The following RTN4 variants were observed in gnomAD, a reference collection of about 807,000 sequenced individuals.
RTN4 encodes the protein reticulon-4.
Under a neutral mutation model 90.4 loss-of-function variants are expected in RTN4, and 32 were observed. The ratio of observed to expected loss-of-function variants is 0.35; its 90% confidence interval spans 0.27 to 0.48. RTN4 has a LOEUF of 0.48. Ranked by LOEUF, RTN4 falls within the 20% of genes least tolerant of loss-of-function variation. RTN4 has a pLI of 0.99. For missense variants in RTN4, 1,706 were observed against 1,430.2 expected (o/e 1.19, Z -3.11); for synonymous variants, 629 against 552.5 (o/e 1.14, Z -1.94).
intron 3 of RTN4, among the ~76,000 whole-genome samples, chr2:55,009,857 C>T (rs746587939): frequency 4.0e-5 from 6 of 151,604 alleles, no homozygotes; most frequent in Non-Finnish European, 7.4e-5. Flanking sequence ...AGAACCTAAA[C>T]GGCAGGACTG....
At chr2:55,039,341 G>A (rs778476354) in intron 1 of RTN4, among the ~76,000 whole-genome samples, 2 of 152,178 alleles carry the variant, frequency 1.3e-5, no homozygotes, top group African/African-American at 4.8e-5. Context: ...TGCAGAGAGA[G>A]AGAGACCACA....
At chr2:55,083,310 A>AC (rs1389753101) in intron 1 of RTN4, among the ~76,000 whole-genome samples, 2 of 152,244 alleles carry the variant, frequency 1.3e-5, no homozygotes, top group African/African-American at 4.8e-5. Flanking sequence ...AGCCTGGCCA[A>AC]CGTGGCAAAA....
At chr2:55,060,446 A>G (rs192419595) in intron 2 of RTN4, among the ~76,000 whole-genome samples, 5 of 152,304 alleles carry the variant, frequency 3.3e-5, no homozygotes, top group Non-Finnish European at 5.9e-5. Context: ...TGGATTCCCA[A>G]TGTCAGTGGA....
In RTN4 at chr2:55,011,870, G is replaced by A. The variant is rs554725942; in HGVS notation, c.3013+13216C>T. On this transcript the variant is annotated intron_variant, in intron 3 of 8. Coordinates refer to ENST00000337526, the MANE Select transcript of RTN4 (RefSeq NM_020532.5). ...AAAGAGCCCAGTATTCTCAGCTCGA[G>A]TTAATATTTAACTTTAAACTTTATT... Among the ~76,000 whole-genome samples the A allele has an allele frequency of 1.2e-4, 19 of 152,272 alleles. No homozygotes were observed. The South Asian group carries it at 3.3e-3, about 27-fold the overall frequency.
intron 1 of RTN4, among the ~76,000 whole-genome samples, chr2:55,088,504 C>A (rs1385365415): frequency 6.6e-6 from 1 of 152,196 alleles, no homozygotes; most frequent in African/African-American, 2.4e-5. Flanking sequence ...AGGAGGATTA[C>A]ATACTGAATA....
At chr2:55,137,721 G>C in the RTN4 span, among the ~76,000 whole-genome samples, 2 of 151,988 alleles carry the variant, frequency 1.3e-5, no homozygotes, top group African/African-American at 2.4e-5. Context: ...CCCCCATGGC[G>C]CTCTCTCCAC....
intron 7 of RTN4, 52 bp from the exon 8 acceptor site, chr2:54,973,673 C>A: frequency 6.6e-7 from 1 of 1,519,862 alleles, no homozygotes; most frequent in African/African-American, 1.4e-5. Flanking sequence ...ATCTTATTAA[C>A]CACTACTATG....
rs577427858 is a variant in RTN4, at chr2:55,045,474, T to G, written c.556+4271A>C. The stretch of plus-strand genomic sequence containing the variant: ...CTCATCTTTCTCAGAACTACTGTAA[T>G]AGCTTTCTAAATAATTCATCTGCTT... On this transcript the variant is annotated intron_variant, in intron 1 of 8. Transcript: ENST00000337526. Among the ~76,000 whole-genome samples the G allele has an allele frequency of 1.9e-4, 29 of 152,362 alleles. No homozygotes were observed. In the East Asian group the frequency reaches 5.2e-3, roughly 27 times the overall value.
chr2:55,036,047 C>A (rs1271065973), intron 1 of RTN4, among the ~76,000 whole-genome samples: 2 of 152,112 alleles, frequency 1.3e-5, no homozygotes, highest in African/African-American at 4.8e-5. Context: ...ATAGTACCAA[C>A]CTTACACAAA....
intron 6 of RTN4, 21 bp downstream of exon 6, chr2:54,974,674 C>T: frequency 6.3e-7 from 1 of 1,582,594 alleles, no homozygotes; most frequent in Non-Finnish European, 8.7e-7. Context: ...ATTTTTCATC[C>T]CAATGGCTTT....
chr2:55,058,375 T>C (rs1181393897), intron 2 of RTN4, among the ~76,000 whole-genome samples: 2 of 152,192 alleles, frequency 1.3e-5, no homozygotes, highest in Admixed American at 6.5e-5. Context: ...TCTTCAGCCA[T>C]GAACAGCTTT....
At position 55,025,230 on chromosome 2, in the gene RTN4, C is replaced by T. The variant is rs757184319; in HGVS notation, c.2869G>A (p.Ala957Thr). ...TCTATCTCTGCTTGAGTGGCCAAAGCAGAAACATCTGGAGGCAATAAGAGC... is the reference window on the plus strand; with the variant it reads ...TCTATCTCTGCTTGAGTGGCCAAAGTAGAAACATCTGGAGGCAATAAGAGC... Reference protein sequence around the residue: ...KVLLLPPDVSALATQAEIESI... With the variant: ...KVLLLPPDVSTLATQAEIESI... The change falls in exon 3 of 9, where the codon GCT (alanine) becomes ACT (threonine). Residue 957 changes from alanine (A) to threonine (T), a missense_variant. Physicochemically the swap from Ala to Thr is moderately conservative, Grantham distance 58. Transcript: ENST00000337526. 1.2e-6 allele frequency: 2 copies of T among 1,613,838 alleles called. No homozygotes were observed. Among genetic ancestry groups the T allele is most frequent in the South Asian group, 2.2e-5 (2 of 91,074 alleles).
In RTN4 at chr2:55,049,935, C is replaced by T; in HGVS notation, c.366G>A (p.Pro122=). 3 of 1,343,436 alleles carry T rather than the reference C, an allele frequency of 2.2e-6. No individual in the cohort carries two copies. Among genetic ancestry groups the T allele is most frequent in the Non-Finnish European group, 2.8e-6 (3 of 1,053,502 alleles). 83.2% of individuals were successfully genotyped at this position (1,343,436 alleles called of 1,614,324 possible). Reference sequence around the variant, plus strand: ...AGGGCGAGACTGCGGCAGCAGACAGCGGGGATGGCGCGGGCACGGTCGACG... The same window carrying T: ...AGGGCGAGACTGCGGCAGCAGACAGTGGGGATGGCGCGGGCACGGTCGACG... ...PVSSTVPAPS[P]LSAAAVSPSK... is the part of the protein sequence containing the mutation. Residue 122 remains proline, a synonymous_variant, in exon 1 of 9, where the codon CCG becomes CCA. Coordinates refer to ENST00000337526, the MANE Select transcript of RTN4 (RefSeq NM_020532.5).
intron 1 of RTN4, among the ~76,000 whole-genome samples, chr2:55,082,245 G>A (rs1054288959): frequency 6.6e-6 from 1 of 152,204 alleles, no homozygotes; most frequent in Non-Finnish European, 1.5e-5. Flanking sequence ...GTATTCACCT[G>A]ATGCTTTGGT....
At chr2:55,120,474 A>C in the RTN4 span, among the ~76,000 whole-genome samples, 1 of 152,002 alleles carries the variant, frequency 6.6e-6, no homozygotes, top group African/African-American at 2.4e-5. Flanking sequence ...GCTGGCCCCC[A>C]AACCTCTCAC....
intron 4 of RTN4, among the ~76,000 whole-genome samples, chr2:54,985,331 T>A (rs966147568): frequency 6.6e-6 from 1 of 151,910 alleles, no homozygotes; most frequent in Admixed American, 6.6e-5. Context: ...GGCTAATTTT[T>A]AATTTTTTGT....
chr2:55,098,135 G>T (rs1423711523), intron 1 of RTN4, among the ~76,000 whole-genome samples: 1 of 151,968 alleles, frequency 6.6e-6, no homozygotes, highest in African/African-American at 2.4e-5. Flanking sequence ...TTTAGATTAG[G>T]GCTAGTGTTG....
At chr2:55,074,212 A>G (rs1380456809) in intron 2 of RTN4, among the ~76,000 whole-genome samples, 1 of 152,196 alleles carries the variant, frequency 6.6e-6, no homozygotes, top group Admixed American at 6.5e-5. Flanking sequence ...ATAAAGTAAG[A>G]AAACACTGGC....
At chr2:55,007,805 C>T (rs957869817) in intron 3 of RTN4, among the ~76,000 whole-genome samples, 5 of 152,162 alleles carry the variant, frequency 3.3e-5, no homozygotes, top group East Asian at 1.9e-4. Context: ...CATTCCTTGA[C>T]CACACCAATC....
Sources: gnomAD v4.1 joint callset for allele counts (sites outside exome capture counted in the v4.1 genomes callset) on GRCh38, gnomAD v4.1.1 for gene constraint, MANE v1.5 for transcripts, NCBI Gene and HGNC (gene_info 2026-07-23, HGNC 2026-07-21) for gene names.